The following MRPL30 variants were observed in gnomAD, a reference collection of about 807,000 sequenced individuals.
The protein encoded by MRPL30 is large ribosomal subunit protein uL30m.
MRPL30 carries 10 observed loss-of-function variants against 17.2 expected under a neutral mutation model. The ratio of observed to expected loss-of-function variants is 0.58; its 90% CI spans 0.36 to 0.99. The LOEUF (loss-of-function observed/expected upper bound fraction) is 0.99. Among genes scored for constraint, MRPL30 ranks in the 50% least tolerant of loss-of-function variants. The probability of loss-of-function intolerance (pLI) is 0.01; values close to 1 mark genes in which losing one functional copy is unlikely to be tolerated. For missense variants in MRPL30, 170 were observed against 189.8 expected, an observed-to-expected ratio of 0.90 and a Z score of 0.61; for synonymous variants, 61 against 62.1, an observed-to-expected ratio of 0.98 and a Z score of 0.08.
chr2:99,194,788 G>T lies in MRPL30; in HGVS notation c.170G>T (p.Gly57Val), dbSNP rs200352806. Residue 57 changes from glycine to valine, a missense_variant, in exon 4 of 6, where the codon GGT becomes GTT. By Grantham distance (109) the Gly-to-Val change is moderately radical. Transcript: ENST00000338148. ...QASPEDHEKYGGDPQNPHKLH... is the reference protein window; with the variant it reads ...QASPEDHEKYVGDPQNPHKLH... Reference sequence around the variant, plus strand: ...TCACCTGAAGATCATGAAAAATACGGTGGGGATCCACAGAACCCTCATAAA... The same window carrying T: ...TCACCTGAAGATCATGAAAAATACGTTGGGGATCCACAGAACCCTCATAAA... 220 of 1,595,478 alleles carry T rather than the reference G, an allele frequency of 1.4e-4. 1 individual carries two copies. The highest frequency in any genetic ancestry group is 8.5e-6 in the Non-Finnish European group (10 of 1,175,004).
intron 2 of MRPL30, 67 bp from the exon 3 acceptor site, chr2:99,188,110 G>A: frequency 3.4e-6 from 4 of 1,185,254 alleles, no homozygotes; most frequent in Non-Finnish European, 4.8e-6. Flanking sequence ...GTTACCTAAA[G>A]ATTGGTGGGT....
Position 99,188,218 on chromosome 2 carries a change from G to A in MRPL30, c.93G>A (p.Trp31Ter). The A allele has an allele frequency of 6.2e-7, 1 of 1,608,402 alleles. No homozygotes were observed. Among genetic ancestry groups the A allele is most frequent in the Non-Finnish European group, 8.5e-7 (1 of 1,178,212 alleles). ...TGGAGTCTCTTATTTGTACAGATTG[G>A]ATTCGTCACAAATTCACCAGATCAA... ...KGVESLICTD[W>*]IRHKFTRSRI... Residue 31 changes from tryptophan (W) to a stop codon, truncating the protein, a stop_gained, in exon 3 of 6, where the codon TGG becomes TGA. Transcript: ENST00000338148. LOFTEE classifies it high-confidence loss of function.
At position 99,188,152 on chromosome 2, in the gene MRPL30, A is replaced by G. The variant is rs781499287; in HGVS notation, c.52-25A>G. On this transcript the variant is annotated intron_variant, in intron 2 of 5. Transcript: ENST00000338148. ...TTCTCTACTGACAGAATTCTAAAAA[A>G]CAAATGATTTATATCATATTTTAGA... 1.1e-5 allele frequency: 17 copies of G among 1,532,688 alleles called. 1 individual carries two copies. The Admixed American group carries it at 2.9e-4, about 27-fold the overall frequency. The allele number at this position is 1,532,688 out of a possible 1,614,324, so 94.9% of individuals were successfully genotyped here.
intron 3 of MRPL30, among the ~76,000 whole-genome samples, chr2:99,194,118 T>C (rs560743929): frequency 6.6e-6 from 1 of 152,264 alleles, no homozygotes; most frequent in South Asian, 2.1e-4. Flanking sequence ...AATGGATGCA[T>C]CATAATGTAG....
Position 99,188,182 on chromosome 2 carries a change from G to C in MRPL30, c.57G>C (p.Val19=). The part of the protein sequence containing the change: ...VQWPPGRLQT[V]TKGVESLICT... Reference sequence around the variant, plus strand: ...TGATTTATATCATATTTTAGACTGTGACAAAAGGTGTGGAGTCTCTTATTT... The same window carrying C: ...TGATTTATATCATATTTTAGACTGTCACAAAAGGTGTGGAGTCTCTTATTT... Residue 19 remains valine, a synonymous_variant, in exon 3 of 6, where the codon GTG becomes GTC. Transcript: ENST00000338148. 1 of 1,591,442 alleles carries C rather than the reference G, an allele frequency of 6.3e-7. No individual in the cohort carries two copies. The highest frequency in any genetic ancestry group is 1.2e-5 in the South Asian group (1 of 86,434).
chr2:99,197,263 C>G lies in MRPL30; in HGVS notation c.*1558C>G, dbSNP rs543443536. 2.0e-5 allele frequency: 3 copies of G among 152,120 alleles called. No homozygotes were observed. Among genetic ancestry groups the G allele is most frequent in the East Asian group, 1.9e-4 (1 of 5,192 alleles). The allele number at this position is 152,120 out of a possible 1,614,324, so 9.4% of individuals were successfully genotyped here. The stretch of plus-strand genomic sequence containing the variant: ...TGAAGAACCTCTGCATTCTAGTTAC[C>G]CTTTGCTTCCCTTCACCTCTTGTAA... On this transcript the variant is annotated 3_prime_UTR_variant, in exon 6 of 6. Transcript: ENST00000338148.
rs377233259 is a variant in MRPL30 at position 99,194,733 on chromosome 2, T to C, written c.133-18T>C. On this transcript the variant is annotated intron_variant, in intron 3 of 5. Coordinates refer to ENST00000338148, the MANE Select transcript of MRPL30 (RefSeq NM_145212.4). The stretch of plus-strand genomic sequence containing the variant: ...GTGTAAGTTGGAAATTTACCATTTA[T>C]AATTCTTTCCTTTCTAGGTGTTTCA... 1 of 1,564,402 alleles carries C rather than the reference T, an allele frequency of 6.4e-7. No homozygotes were observed. Among genetic ancestry groups the C allele is most frequent in the African/African-American group, 1.4e-5 (1 of 71,298 alleles).
At chr2:99,182,027 G>C (rs1480993553) in intron 1 of MRPL30, among the ~76,000 whole-genome samples, 1 of 151,924 alleles carries the variant, frequency 6.6e-6, no homozygotes, top group Non-Finnish European at 1.5e-5. Context: ...CTGGGGGGGA[G>C]AAGGGGGAGG....
At chr2:99,189,505 G>A (rs1217979407) in intron 3 of MRPL30, among the ~76,000 whole-genome samples, 2 of 152,096 alleles carry the variant, frequency 1.3e-5, no homozygotes, top group African/African-American at 4.8e-5. Flanking sequence ...ATATCCCATT[G>A]CATAGACATA....
At position 99,195,179 on chromosome 2, in the gene MRPL30, C is replaced by T. The variant is rs199733215; in HGVS notation, c.343C>T (p.His115Tyr). ...GAATGCAAAATTGAAAGTAGTTAAG[C>T]ATTTGATAAGGTTTGTTGTTTCTTC... The part of the protein sequence containing the change: ...SVNAKLKVVK[H>Y]LIRIKPLKLP... Residue 115 changes from histidine (H) to tyrosine (Y), a missense_variant, in exon 5 of 6, where the codon CAT becomes TAT. By Grantham distance (83) the His-to-Tyr change is moderately conservative. Coordinates refer to ENST00000338148, the MANE Select transcript of MRPL30 (RefSeq NM_145212.4). 46 of 1,605,670 alleles carry T rather than the reference C, an allele frequency of 2.9e-5. No homozygotes were observed. The highest frequency in any genetic ancestry group is 3.7e-5 in the Non-Finnish European group (44 of 1,175,716).
chr2:99,193,002 C>G lies in MRPL30; in HGVS notation c.133-1749C>G, dbSNP rs1180503692. 3.3e-5 allele frequency among the ~76,000 whole-genome samples: 5 copies of G among 152,196 alleles called. No homozygotes were observed. In the East Asian group the frequency reaches 9.6e-4, roughly 29 times the overall value. ...GGGATCTAATTAAACTAAAGAGCTTCTGCACAGCAAAAGAAACTCGCATCA... is the reference window on the plus strand; with the variant it reads ...GGGATCTAATTAAACTAAAGAGCTTGTGCACAGCAAAAGAAACTCGCATCA... On this transcript the variant is annotated intron_variant, in intron 3 of 5. Transcript: ENST00000338148.
In MRPL30 at chr2:99,195,740, G is replaced by T; in HGVS notation, c.*35G>T. ...AGCTTCCGATTGGAAAATGCAAATT[G>T]TTTTTATTTAAAGATGGTGAGAAAG... On this transcript the variant is annotated 3_prime_UTR_variant, in exon 6 of 6. Transcript: ENST00000338148. 6.2e-7 allele frequency: 1 copy of T among 1,605,552 alleles called. No homozygotes were observed. Among genetic ancestry groups the T allele is most frequent in the Non-Finnish European group, 8.5e-7 (1 of 1,178,020 alleles).
intron 2 of MRPL30, among the ~76,000 whole-genome samples, chr2:99,187,214 G>A (rs556048253): frequency 1.3e-5 from 2 of 152,360 alleles, no homozygotes; most frequent in South Asian, 4.1e-4. Context: ...GAAATGCTGG[G>A]AGGGAATGAT....
intron 1 of MRPL30, among the ~76,000 whole-genome samples, chr2:99,183,296 G>A (rs1048178984): frequency 1.3e-5 from 2 of 152,126 alleles, no homozygotes; most frequent in African/African-American, 2.4e-5. Flanking sequence ...AGAGTTGGGG[G>A]TGGTGGCCCA....
chr2:99,195,546 A>G (rs1011724095), intron 5 of MRPL30, 27 bp from the exon 6 acceptor site: 4 of 1,588,826 alleles, frequency 2.5e-6, no homozygotes, highest in African/African-American at 2.7e-5. Context: ...TATTCCTCCT[A>G]TCTAAACGCA....
In MRPL30 at chr2:99,186,222, T is replaced by C; in HGVS notation, c.19T>C (p.Leu7=). The C allele has an allele frequency of 6.2e-7, 1 of 1,614,172 alleles. No individual in the cohort carries two copies. The highest frequency in any genetic ancestry group is 8.5e-7 in the Non-Finnish European group (1 of 1,179,988). The part of the protein sequence containing the change: MAGILR[L]VVQWPPGRLQ... ...TACACTTATGGCTGGGATTTTGCGCTTAGTAGTTCAATGGCCCCCAGGCAG... is the reference window on the plus strand; with the variant it reads ...TACACTTATGGCTGGGATTTTGCGCCTAGTAGTTCAATGGCCCCCAGGCAG... Residue 7 remains leucine (L), a synonymous_variant, in exon 2 of 6, where the codon TTA becomes CTA. Coordinates refer to ENST00000338148, the MANE Select transcript of MRPL30 (RefSeq NM_145212.4).
At chr2:99,191,848 T>A (rs1057324306) in intron 3 of MRPL30, among the ~76,000 whole-genome samples, 1 of 152,150 alleles carries the variant, frequency 6.6e-6, no homozygotes. Flanking sequence ...CTGCATTACT[T>A]TTCGTGCTTT....
chr2:99,191,252 C>G (rs1011804670), intron 3 of MRPL30, among the ~76,000 whole-genome samples: 6 of 152,034 alleles, frequency 3.9e-5, no homozygotes, highest in African/African-American at 1.2e-4. Context: ...TGATCCACCC[C>G]CCTTGGCCTC....
At chr2:99,185,759 T>C (rs1280303366) in intron 1 of MRPL30, 1 of 445,638 alleles carries the variant, frequency 2.2e-6, no homozygotes, top group Non-Finnish European at 4.5e-6. Flanking sequence ...TATTGAACTT[T>C]CTGGAATTCA....
Sources: gnomAD v4.1 joint callset for allele counts (sites outside exome capture counted in the v4.1 genomes callset) on GRCh38, gnomAD v4.1.1 for gene constraint, MANE v1.5 for transcripts, NCBI Gene and HGNC (gene_info 2026-07-23, HGNC 2026-07-21) for gene names.